RGS6: variants seen among roughly 807,000 people sequenced by gnomAD.
RGS6 encodes regulator of G-protein signaling 6.
A neutral mutation model predicts 78.5 loss-of-function variants in RGS6; 30 were observed. The ratio of observed to expected loss-of-function variants is 0.38; its 90% CI spans 0.29 to 0.52. The LOEUF (loss-of-function observed/expected upper bound fraction) is 0.52, where lower values mean the gene tolerates loss of function less well. Among genes scored for constraint, RGS6 ranks in the 20% least tolerant of loss-of-function variants. The pLI is 0.85. For synonymous variants in RGS6, 206 were observed against 206.0 expected, an observed-to-expected ratio of 1.00 and a Z score of 0.00; for missense variants, 495 against 609.7, an observed-to-expected ratio of 0.81 and a Z score of 1.98.
intron 2 of RGS6, among the ~76,000 whole-genome samples, chr14:71,996,312 A>G (rs939072733): frequency 1.3e-5 from 2 of 152,164 alleles, no homozygotes; most frequent in African/African-American, 2.4e-5. Context: ...TTATTAATCA[A>G]TAGAGATTTG....
intron 2 of RGS6, among the ~76,000 whole-genome samples, chr14:72,128,692 G>T (rs2096253221): frequency 6.6e-6 from 1 of 152,192 alleles, no homozygotes; most frequent in African/African-American, 2.4e-5. Context: ...AGTGGATGAA[G>T]TTTATAGGTT....
intron 3 of RGS6, among the ~76,000 whole-genome samples, chr14:72,423,686 AG>A (rs1328915950): frequency 1.2e-5 from 1 of 86,616 alleles, no homozygotes; most frequent in Non-Finnish European, 2.4e-5. Flanking sequence ...GTAGGGTGGG[AG>A]GGGGACGAGG....
the RGS6 span, among the ~76,000 whole-genome samples, chr14:71,900,733 T>A: frequency 6.6e-6 from 1 of 152,138 alleles, no homozygotes; most frequent in East Asian, 1.9e-4. Flanking sequence ...TTTTTATTGC[T>A]ATAAAGGAAT....
At chr14:72,334,260 C>T (rs1261562190) in intron 2 of RGS6, among the ~76,000 whole-genome samples, 2 of 152,240 alleles carry the variant, frequency 1.3e-5, no homozygotes. Context: ...CATGCCAAAC[C>T]CCAATTATCT....
chr14:72,361,952 G>C (rs767102037), intron 3 of RGS6, among the ~76,000 whole-genome samples: 4 of 152,180 alleles, frequency 2.6e-5, no homozygotes, highest in Non-Finnish European at 5.9e-5. Flanking sequence ...CACCACGTAA[G>C]AGGGCTGCAG....
chr14:72,582,976 A>G, the RGS6 span, among the ~76,000 whole-genome samples: 1 of 150,224 alleles, frequency 6.7e-6, no homozygotes, highest in Admixed American at 6.6e-5. Context: ...CTTACTTTTT[A>G]TGGGGAGATA....
At chr14:72,547,331 A>C in intron 17 of RGS6, 1 of 1,535,550 alleles carries the variant, frequency 6.5e-7, no homozygotes, top group Non-Finnish European at 8.7e-7. Flanking sequence ...AAGAGAAGTC[A>C]GAGAGCTTCA....
chr14:72,377,443 A>G (rs2085041146), intron 3 of RGS6, among the ~76,000 whole-genome samples: 1 of 152,216 alleles, frequency 6.6e-6, no homozygotes, highest in Admixed American at 6.5e-5. Context: ...CAATACAATA[A>G]TAGTTGGGGA....
the RGS6 span, among the ~76,000 whole-genome samples, chr14:71,921,827 A>G: frequency 6.6e-6 from 1 of 152,234 alleles, no homozygotes; most frequent in Non-Finnish European, 1.5e-5. Context: ...GAGGGACTAC[A>G]AAAGCGATTT....
intron 2 of RGS6, among the ~76,000 whole-genome samples, chr14:72,272,994 T>TA (rs2060166410): frequency 6.6e-6 from 1 of 152,142 alleles, no homozygotes; most frequent in African/African-American, 2.4e-5. Flanking sequence ...CAGGTGCCTG[T>TA]AATCCCAGCT....
At chr14:72,349,754 A>C (rs545650671) in intron 2 of RGS6, among the ~76,000 whole-genome samples, 3 of 152,326 alleles carry the variant, frequency 2.0e-5, no homozygotes, top group Admixed American at 6.5e-5. Flanking sequence ...TGAGTGGAGG[A>C]CAAAGAAGTC....
At chr14:72,335,182 A>T (rs1209750291) in intron 2 of RGS6, among the ~76,000 whole-genome samples, 1 of 151,600 alleles carries the variant, frequency 6.6e-6, no homozygotes, top group African/African-American at 2.4e-5. Context: ...AGTCAATTAA[A>T]CCTCTTTCTT....
chr14:72,230,882 G>A (rs2049389068), intron 2 of RGS6, among the ~76,000 whole-genome samples: 1 of 152,136 alleles, frequency 6.6e-6, no homozygotes, highest in South Asian at 2.1e-4. Flanking sequence ...TTAGTGTTTG[G>A]TGGGATAACT....
chr14:72,360,529 C>T (rs1011877627), intron 3 of RGS6, among the ~76,000 whole-genome samples: 4 of 150,626 alleles, frequency 2.7e-5, no homozygotes, highest in African/African-American at 9.8e-5. Flanking sequence ...CTCAAACAAA[C>T]AAACAAAACA....
At chr14:71,878,399 C>T in the RGS6 span, among the ~76,000 whole-genome samples, 1 of 152,212 alleles carries the variant, frequency 6.6e-6, no homozygotes, top group East Asian at 1.9e-4. Flanking sequence ...CCTCCCCTAG[C>T]CTTGCTGCTG....
At chr14:71,916,193 G>A in the RGS6 span, among the ~76,000 whole-genome samples, 7 of 152,154 alleles carry the variant, frequency 4.6e-5, no homozygotes, top group Non-Finnish European at 8.8e-5. Context: ...TGTGGAGCTG[G>A]GTGCTGCTTA....
At chr14:72,194,288 G>T (rs1467308472) in intron 2 of RGS6, among the ~76,000 whole-genome samples, 1 of 152,222 alleles carries the variant, frequency 6.6e-6, no homozygotes, top group African/African-American at 2.4e-5. Flanking sequence ...TCATGAACCT[G>T]CCCTTGTTCT....
intron 17 of RGS6, among the ~76,000 whole-genome samples, chr14:72,557,721 G>A (rs544236283): frequency 1.7e-4 from 26 of 152,328 alleles, no homozygotes; most frequent in East Asian, 1.3e-3. Context: ...TGTATTCAAC[G>A]AAACACGATT....
chr14:71,929,207 A>G (rs2087764694), upstream of RGS6, among the ~76,000 whole-genome samples: 1 of 152,232 alleles, frequency 6.6e-6, no homozygotes, highest in South Asian at 2.1e-4. Context: ...CACAGAATCC[A>G]CTGATTGTGC....
Sources: gnomAD v4.1 joint callset for allele counts (sites outside exome capture counted in the v4.1 genomes callset) on GRCh38, gnomAD v4.1.1 for gene constraint, MANE v1.5 for transcripts, NCBI Gene and HGNC (gene_info 2026-07-23, HGNC 2026-07-21) for gene names.